The following NEDD4L variants were observed in gnomAD, a reference collection of about 807,000 sequenced individuals.
The protein encoded by NEDD4L is E3 ubiquitin-protein ligase NEDD4-like.
A neutral mutation model predicts 148.9 loss-of-function variants in NEDD4L; 54 were observed. The ratio of observed to expected loss-of-function variants is 0.36; its 90% CI spans 0.29 to 0.45. The LOEUF is 0.45. Ranked by LOEUF, NEDD4L falls within the 20% of genes least tolerant of loss-of-function variation. NEDD4L has a pLI of 1.00. For missense variants in NEDD4L, 856 were observed against 1,233.8 expected (o/e 0.69, Z 4.59); for synonymous variants, 433 against 440.7 (o/e 0.98, Z 0.22).
chr18:58,212,216 TC>T (rs577919164), intron 2 of NEDD4L, among the ~76,000 whole-genome samples: 1 of 152,292 alleles, frequency 6.6e-6, no homozygotes, highest in East Asian at 1.9e-4. Flanking sequence ...AGCCTTGACC[TC>T]CCAGACTCAG....
intron 1 of NEDD4L, among the ~76,000 whole-genome samples, chr18:58,141,482 GGTTTTTTTT>G (rs2146138988): frequency 6.6e-6 from 1 of 152,034 alleles, no homozygotes; most frequent in Non-Finnish European, 1.5e-5. Flanking sequence ...ACAATTTTTG[GGTTTTTTTT>G]GTTTTTTTTA....
intron 2 of NEDD4L, among the ~76,000 whole-genome samples, chr18:58,201,148 C>T (rs751064672): frequency 1.3e-5 from 2 of 152,292 alleles, no homozygotes; most frequent in South Asian, 4.1e-4. Context: ...CCCTGGCCAA[C>T]GTGGTGAAAC....
Position 58,330,842 on chromosome 18 carries a change from G to C in NEDD4L, c.918G>C (p.Glu306Asp). 1 of 1,613,922 alleles carries C rather than the reference G, an allele frequency of 6.2e-7. No individual in the cohort carries two copies. The highest frequency in any genetic ancestry group is 1.1e-5 in the South Asian group (1 of 91,072). Residue 306 changes from glutamate (E) to aspartate (D), a missense_variant, in exon 11 of 31, where the codon GAG becomes GAC. Glu to Asp is a conservative substitution (Grantham distance 45). Transcript: ENST00000400345. The stretch of plus-strand genomic sequence containing the variant: ...CAGGATCTCGGACCAGCCCTCAGGA[G>C]CTGTCAGAGGAACTAAGCAGAAGGC... The part of the protein sequence containing the change: ...ASPGSRTSPQ[E>D]LSEELSRRLQ...
intron 1 of NEDD4L, among the ~76,000 whole-genome samples, chr18:58,099,538 G>A (rs1372927927): frequency 6.6e-6 from 1 of 152,196 alleles, no homozygotes; most frequent in Non-Finnish European, 1.5e-5. Flanking sequence ...TTCCTTTAGT[G>A]CTATTTCCTG....
At chr18:58,188,774 G>C (rs1215511949) in intron 2 of NEDD4L, among the ~76,000 whole-genome samples, 1 of 152,260 alleles carries the variant, frequency 6.6e-6, no homozygotes, top group Non-Finnish European at 1.5e-5. Flanking sequence ...GGAGAAGACT[G>C]TCTCTTCACA....
At chr18:58,345,256 A>G (rs1018488139) in intron 16 of NEDD4L, among the ~76,000 whole-genome samples, 1 of 152,248 alleles carries the variant, frequency 6.6e-6, no homozygotes, top group Non-Finnish European at 1.5e-5. Context: ...CAGCTGCGCT[A>G]TCGCTTCTAA....
At chr18:58,358,156 T>C (rs1008514830) in intron 19 of NEDD4L, among the ~76,000 whole-genome samples, 7 of 152,340 alleles carry the variant, frequency 4.6e-5, no homozygotes, top group Non-Finnish European at 8.8e-5. Flanking sequence ...TCCATTCAAA[T>C]TATGTTTTGA....
intron 1 of NEDD4L, among the ~76,000 whole-genome samples, chr18:58,147,209 G>C (rs973410235): frequency 2.6e-4 from 39 of 152,184 alleles, no homozygotes; most frequent in African/African-American, 8.2e-4. Flanking sequence ...GGTTGAGCTG[G>C]TGTTGGCTCT....
At chr18:58,259,109 T>C (rs977903515) in intron 5 of NEDD4L, among the ~76,000 whole-genome samples, 1 of 152,250 alleles carries the variant, frequency 6.6e-6, no homozygotes, top group African/African-American at 2.4e-5. Flanking sequence ...TCATATTTCA[T>C]AAGCTATACT....
intron 2 of NEDD4L, among the ~76,000 whole-genome samples, chr18:58,222,161 C>T (rs1446599143): frequency 6.6e-6 from 1 of 152,162 alleles, no homozygotes; most frequent in Non-Finnish European, 1.5e-5. Flanking sequence ...TTAGAAATCA[C>T]AGGTTGAGGA....
intron 2 of NEDD4L, among the ~76,000 whole-genome samples, chr18:58,187,608 A>G (rs1275465042): frequency 6.6e-6 from 1 of 152,134 alleles, no homozygotes; most frequent in Admixed American, 6.6e-5. Context: ...TTCTCTTCAC[A>G]TGGTATTGAG....
At chr18:58,250,668 C>A (rs557145287) in intron 4 of NEDD4L, among the ~76,000 whole-genome samples, 64 of 152,266 alleles carry the variant, frequency 4.2e-4, no homozygotes, top group African/African-American at 1.4e-3. Context: ...CATTCCCCAC[C>A]ATGAAGCAGC....
At chr18:58,083,196 T>C (rs2083559257) in intron 1 of NEDD4L, among the ~76,000 whole-genome samples, 1 of 152,168 alleles carries the variant, frequency 6.6e-6, no homozygotes, top group African/African-American at 2.4e-5. Flanking sequence ...CAGTTAGTGG[T>C]ATATATACGA....
chr18:58,245,933 G>A (rs1301499733), intron 3 of NEDD4L, among the ~76,000 whole-genome samples: 1 of 147,586 alleles, frequency 6.8e-6, no homozygotes, highest in African/African-American at 2.5e-5. Context: ...CCTGACCTCA[G>A]GTGATCCACC....
intron 1 of NEDD4L, among the ~76,000 whole-genome samples, chr18:58,152,755 C>CT (rs2034939213): frequency 6.6e-6 from 1 of 152,162 alleles, no homozygotes; most frequent in African/African-American, 2.4e-5. Context: ...GGAGTCCGTA[C>CT]TTTGAGAACC....
intron 2 of NEDD4L, among the ~76,000 whole-genome samples, chr18:58,193,227 A>C (rs961347832): frequency 6.6e-6 from 1 of 152,282 alleles, no homozygotes; most frequent in African/African-American, 2.4e-5. Flanking sequence ...TTATTCTGGT[A>C]TAAAATTAAA....
intron 2 of NEDD4L, among the ~76,000 whole-genome samples, chr18:58,171,381 G>A (rs2586978): frequency 1.2e-3 from 21 of 17,174 alleles, no homozygotes; most frequent in East Asian, 1.6e-3. Context: ...CCAGCCCAAG[G>A]GGACAGGACA....
At chr18:58,307,236 G>A (rs773407981) in intron 5 of NEDD4L, among the ~76,000 whole-genome samples, 14 of 152,214 alleles carry the variant, frequency 9.2e-5, no homozygotes, top group Non-Finnish European at 2.1e-4. Flanking sequence ...CAGCAGGGAG[G>A]AGCCTGGCCC....
chr18:58,185,081 C>T (rs547039516), intron 2 of NEDD4L, among the ~76,000 whole-genome samples: 1 of 152,298 alleles, frequency 6.6e-6, no homozygotes, highest in African/African-American at 2.4e-5. Context: ...ATGGTCCTTG[C>T]TCTCAAGGCA....
Sources: allele counts gnomAD v4.1 joint callset (sites outside exome capture counted in the v4.1 genomes callset), GRCh38; gene constraint gnomAD v4.1.1; transcripts MANE v1.5; gene names NCBI Gene and HGNC (gene_info 2026-07-23, HGNC 2026-07-21).